The following GPLD1 variants were observed in gnomAD, a reference collection of about 807,000 sequenced individuals.
The protein encoded by GPLD1 is phosphatidylinositol-glycan-specific phospholipase D.
Under a neutral mutation model 112.6 loss-of-function variants are expected in GPLD1, and 84 were observed. That is an observed-to-expected ratio of 0.75 (90% CI 0.63 to 0.89). GPLD1 has a LOEUF of 0.89. GPLD1 is among the 40% of genes least tolerant of loss of function. The pLI, the probability that GPLD1 is intolerant of heterozygous loss-of-function variation, is 0.00. For missense variants in GPLD1, 1,044 were observed against 1,051.5 expected (o/e 0.99, Z 0.10); for synonymous variants, 386 against 403.8 (o/e 0.96, Z 0.53).
chr6:24,480,986 T>A (rs1246531018), intron 2 of GPLD1, among the ~76,000 whole-genome samples: 3 of 152,210 alleles, frequency 2.0e-5, no homozygotes, highest in African/African-American at 7.2e-5. Flanking sequence ...ATATTGTTAG[T>A]AAGGCAGGTG....
chr6:24,488,365 T>C (rs1051620227), intron 1 of GPLD1, among the ~76,000 whole-genome samples: 6 of 151,732 alleles, frequency 4.0e-5, no homozygotes, highest in Non-Finnish European at 5.9e-5. Flanking sequence ...TGAGCCGAGA[T>C]TGCGCCACTG....
chr6:24,485,208 A>C (rs1347189298), intron 2 of GPLD1, among the ~76,000 whole-genome samples: 1 of 152,188 alleles, frequency 6.6e-6, no homozygotes, highest in Non-Finnish European at 1.5e-5. Context: ...GTGGAAAATA[A>C]ATGATCTCTC....
chr6:24,469,237 A>ATG (rs1487043971), intron 7 of GPLD1, among the ~76,000 whole-genome samples: 6 of 149,162 alleles, frequency 4.0e-5, no homozygotes, highest in African/African-American at 1.5e-4. Flanking sequence ...TCAGGGATCT[A>ATG]GAACTAGAAA....
At chr6:24,442,737 C>A (rs1762788977) in intron 20 of GPLD1, among the ~76,000 whole-genome samples, 1 of 147,994 alleles carries the variant, frequency 6.8e-6, no homozygotes, top group Non-Finnish European at 1.5e-5. Context: ...AGCCACTGCG[C>A]CTGGCCCAAT....
chr6:24,445,316 C>T (rs1463000535), intron 20 of GPLD1, among the ~76,000 whole-genome samples: 2 of 152,132 alleles, frequency 1.3e-5, no homozygotes, highest in East Asian at 1.9e-4. Flanking sequence ...TGTGAGCCAC[C>T]GCACCCGGCC....
At chr6:24,472,276 G>A (rs1253421040) in intron 7 of GPLD1, among the ~76,000 whole-genome samples, 2 of 152,160 alleles carry the variant, frequency 1.3e-5, no homozygotes, top group South Asian at 2.1e-4. Flanking sequence ...AATTTTAACA[G>A]TTGGACAATA....
intron 7 of GPLD1, among the ~76,000 whole-genome samples, chr6:24,471,543 A>T (rs954190209): frequency 6.6e-6 from 1 of 152,198 alleles, no homozygotes; most frequent in Admixed American, 6.5e-5. Flanking sequence ...ACTATTGATA[A>T]ATCATTCTGG....
At chr6:24,434,236 A>G (rs1001689477) in intron 22 of GPLD1, among the ~76,000 whole-genome samples, 1 of 151,940 alleles carries the variant, frequency 6.6e-6, no homozygotes, top group African/African-American at 2.4e-5. Flanking sequence ...CGTCTCTACT[A>G]AAAACACAAA....
chr6:24,487,378 G>A (rs552972007), intron 1 of GPLD1, among the ~76,000 whole-genome samples: 12 of 152,208 alleles, frequency 7.9e-5, no homozygotes, highest in Middle Eastern at 6.8e-3. Context: ...CTCAGAATCC[G>A]TGCAGATTCT....
intron 3 of GPLD1, among the ~76,000 whole-genome samples, chr6:24,477,280 C>T (rs565903510): frequency 6.7e-6 from 1 of 148,310 alleles, no homozygotes; most frequent in East Asian, 2.0e-4. Flanking sequence ...TGACAGCTGG[C>T]AAGCCACTGC....
At chr6:24,490,580 C>A (rs143718371), upstream of GPLD1, among the ~76,000 whole-genome samples, 1 of 151,848 alleles carries the variant, frequency 6.6e-6, no homozygotes, top group Non-Finnish European at 1.5e-5. Flanking sequence ...GTGAAGACCC[C>A]GTCTCTACTA....
rs1376928737 is a variant in GPLD1, at chr6:24,445,620, G to A, written c.1946C>T (p.Thr649Ile). ...SGDKAMGKLG[T>I]SLSSGHVLMN... ...CAGTACGTGGCCACTGGAAAGGGAA[G>A]TACCCAGTTTCCCCATTGCCTGTGA... Residue 649 changes from threonine (T) to isoleucine (I), a missense_variant, in exon 20 of 25, where the codon ACT (threonine) becomes ATT (isoleucine). Transcript: ENST00000230036. The A allele has an allele frequency of 2.5e-6, 4 of 1,613,510 alleles. No homozygotes were observed. The highest frequency in any genetic ancestry group is 2.2e-5 in the East Asian group (1 of 44,888).
At chr6:24,425,680 A>AGT (rs1337646319), downstream of GPLD1, 5 of 152,214 alleles carry the variant, frequency 3.3e-5, no homozygotes, top group African/African-American at 1.2e-4. Context: ...GGGTTATGTG[A>AGT]GTGAGTAAGC....
intron 20 of GPLD1, among the ~76,000 whole-genome samples, chr6:24,440,581 C>CAAAAA (rs58480061): frequency 8.4e-5 from 10 of 118,530 alleles, no homozygotes; most frequent in African/African-American, 1.4e-4. Context: ...AAAAAATACT[C>CAAAAA]AAAAAAAAAA....
chr6:24,451,323 A>G (rs952367443), intron 14 of GPLD1, among the ~76,000 whole-genome samples: 31 of 138,664 alleles, frequency 2.2e-4, no homozygotes, highest in Non-Finnish European at 4.0e-4. Context: ...GGGTTTTCCA[A>G]TTCTTTCTCT....
chr6:24,428,884 T>G lies in GPLD1; in HGVS notation c.*148A>C, dbSNP rs372896858. 7 of 517,432 alleles carry G rather than the reference T, an allele frequency of 1.4e-5. 1 individual carries two copies. The highest frequency in any genetic ancestry group is 6.2e-5 in the East Asian group (2 of 32,412). 32.1% of individuals were successfully genotyped at this position (517,432 alleles called of 1,614,324 possible). A position where few individuals can be genotyped will look rare whatever the true frequency, so the allele number is the denominator to read the frequency against. ...TCAGATTTCCAGAGGGTGTGGCTGT[T>G]AGTGTGTCTCTCTACTCCCAGGAGC... On this transcript the variant is annotated 3_prime_UTR_variant, in exon 25 of 25. Coordinates refer to ENST00000230036, the MANE Select transcript of GPLD1 (RefSeq NM_001503.4).
chr6:24,484,953 A>T (rs7765441), intron 2 of GPLD1, among the ~76,000 whole-genome samples: 1 of 152,136 alleles, frequency 6.6e-6, no homozygotes, highest in Non-Finnish European at 1.5e-5. Flanking sequence ...CTTATCAAAT[A>T]TAAGTATGAA....
upstream of GPLD1, among the ~76,000 whole-genome samples, chr6:24,492,746 A>G (rs1279194810): frequency 6.6e-6 from 1 of 152,014 alleles, no homozygotes; most frequent in African/African-American, 2.4e-5. Context: ...AGCCAGGAGG[A>G]AATTGTTTAC....
chr6:24,439,272 T>G (rs1213314288), intron 20 of GPLD1, among the ~76,000 whole-genome samples: 4 of 152,138 alleles, frequency 2.6e-5, no homozygotes, highest in Non-Finnish European at 5.9e-5. Flanking sequence ...TGTGGGAGAA[T>G]CTCAGAGAAG....
Sources: gnomAD v4.1 joint callset for allele counts (sites outside exome capture counted in the v4.1 genomes callset) on GRCh38, gnomAD v4.1.1 for gene constraint, MANE v1.5 for transcripts, NCBI Gene and HGNC (gene_info 2026-07-23, HGNC 2026-07-21) for gene names.